TEAD4: variants seen among roughly 807,000 people sequenced by gnomAD.
The protein encoded by TEAD4 is transcriptional enhancer factor TEF-3.
Under a neutral mutation model 52.4 loss-of-function variants are expected in TEAD4, and 36 were observed. That is an observed-to-expected ratio of 0.69 (90% CI 0.53 to 0.91). The LOEUF is 0.91. TEAD4 is among the 40% of genes least tolerant of loss of function. The pLI is 0.00. For missense variants in TEAD4, 508 were observed against 583.9 expected, an observed-to-expected ratio of 0.87 and a Z score of 1.34; for synonymous variants, 220 against 231.0, an observed-to-expected ratio of 0.95 and a Z score of 0.43.
chr12:3,017,511 C>T lies in TEAD4; in HGVS notation c.468C>T (p.Arg156=). Residue 156 remains arginine, a synonymous_variant, in exon 6 of 13, where the codon CGC becomes CGT. Coordinates refer to ENST00000359864, the MANE Select transcript of TEAD4 (RefSeq NM_003213.4). ...TGGCCCTCGCCCGGGGCCCCGGCCG[C>T]CCAGCAGTCTCAGGGGTAAGTGGGC... 1.9e-6 allele frequency: 3 copies of T among 1,613,594 alleles called. No homozygotes were observed. The highest frequency in any genetic ancestry group is 2.5e-6 in the Non-Finnish European group (3 of 1,179,870).
rs61672018 is a variant in TEAD4, at chr12:2,968,385, CTTTT to C, written c.-30+8369_-30+8372del. On this transcript the variant is annotated intron_variant, in intron 2 of 12. Coordinates refer to ENST00000359864, the MANE Select transcript of TEAD4 (RefSeq NM_003213.4). ...ACAGGTGTGAGCCACCGCGCCCGGC[CTTTT>C]TTTTTTTTTTTTTTTTTTTTTTTGT... is the stretch of plus-strand genomic sequence containing the variant. Among the ~76,000 whole-genome samples the C allele has an allele frequency of 4.2e-4, 23 of 55,044 alleles. 2 individuals carry two copies. Among genetic ancestry groups the C allele is most frequent in the African/African-American group, 1.4e-3 (21 of 15,038 alleles). 36.1% of individuals were successfully genotyped at this position (55,044 alleles called of 152,430 possible).
chr12:2,973,618 C>T (rs1222049786), intron 2 of TEAD4, among the ~76,000 whole-genome samples: 3 of 152,150 alleles, frequency 2.0e-5, no homozygotes, highest in Non-Finnish European at 4.4e-5. Context: ...CGGGGCCTTC[C>T]AAGAAGCTCT....
chr12:2,965,407 A>G (rs7964007), intron 2 of TEAD4, among the ~76,000 whole-genome samples: 97,744 of 150,898 alleles, frequency 0.65, 31,932 homozygotes, highest in African/African-American at 0.74. Flanking sequence ...CAATCCTCCT[A>G]CCTTGGCCTC....
intron 2 of TEAD4, among the ~76,000 whole-genome samples, chr12:2,975,301 T>TTGCATTTGTTGCAATTGATG (rs1466470449): frequency 3.9e-5 from 6 of 151,924 alleles, no homozygotes; most frequent in African/African-American, 1.4e-4. Flanking sequence ...TCTTAACATC[T>TTGCATTTGTTGCAATTGATG]TGCATTTGTT....
intron 11 of TEAD4, among the ~76,000 whole-genome samples, chr12:3,039,887 A>G (rs1434595071): frequency 1.3e-5 from 2 of 152,162 alleles, no homozygotes; most frequent in Non-Finnish European, 2.9e-5. Context: ...AGGTTTCACC[A>G]TGTTGGCCAG....
chr12:2,992,669 T>A (rs913595976), intron 2 of TEAD4, among the ~76,000 whole-genome samples: 2 of 151,804 alleles, frequency 1.3e-5, no homozygotes, highest in African/African-American at 2.4e-5. Flanking sequence ...TCCTCAAGGC[T>A]AGTGGGGGAG....
chr12:2,960,874 G>A (rs1030023726), intron 2 of TEAD4, among the ~76,000 whole-genome samples: 2 of 152,160 alleles, frequency 1.3e-5, no homozygotes, highest in African/African-American at 4.8e-5. Flanking sequence ...TGAGTGCAGG[G>A]ATAATTTGAC....
At chr12:3,009,387 G>A (rs541085719) in intron 3 of TEAD4, among the ~76,000 whole-genome samples, 2 of 152,364 alleles carry the variant, frequency 1.3e-5, no homozygotes, top group East Asian at 3.9e-4. Context: ...CCGAGATCGT[G>A]CCATTGCACG....
chr12:2,976,527 A>C (rs11062440), intron 2 of TEAD4, among the ~76,000 whole-genome samples: 127,020 of 152,134 alleles, frequency 0.83, 53,886 homozygotes, highest in Middle Eastern at 0.91. Context: ...TCTGGAACTA[A>C]ACCTGTATCA....
chr12:2,964,412 A>T (rs1394520884), intron 2 of TEAD4, among the ~76,000 whole-genome samples: 1 of 150,526 alleles, frequency 6.6e-6, no homozygotes, highest in Non-Finnish European at 1.5e-5. Context: ...CTGGACAGGG[A>T]GTCCCCAGGC....
At chr12:3,004,487 T>C (rs140593509) in intron 3 of TEAD4, among the ~76,000 whole-genome samples, 1 of 152,232 alleles carries the variant, frequency 6.6e-6, no homozygotes, top group African/African-American at 2.4e-5. Flanking sequence ...CAATTCCCTG[T>C]TCATTCGGAG....
intron 5 of TEAD4, among the ~76,000 whole-genome samples, chr12:3,014,644 G>A (rs2098262925): frequency 6.6e-6 from 1 of 152,190 alleles, no homozygotes; most frequent in African/African-American, 2.4e-5. Flanking sequence ...TGGAGCTCCA[G>A]TTTCCTCATC....
intron 2 of TEAD4, among the ~76,000 whole-genome samples, chr12:2,978,499 GT>G (rs1394949071): frequency 1.3e-5 from 2 of 151,894 alleles, no homozygotes; most frequent in African/African-American, 4.8e-5. Context: ...TGCCTCCGGG[GT>G]TCAAGTGATT....
chr12:2,989,416 G>A (rs924340289), intron 2 of TEAD4, among the ~76,000 whole-genome samples: 1 of 152,090 alleles, frequency 6.6e-6, no homozygotes, highest in Non-Finnish European at 1.5e-5. Context: ...TAGTGTTACT[G>A]TTACGAAGTT....
chr12:2,983,105 G>A (rs967531139), intron 2 of TEAD4, among the ~76,000 whole-genome samples: 1 of 152,204 alleles, frequency 6.6e-6, no homozygotes, highest in African/African-American at 2.4e-5. Flanking sequence ...TGTACTTAGT[G>A]TCAGGTCCAG....
chr12:3,004,510 G>A (rs1035921190), intron 3 of TEAD4, among the ~76,000 whole-genome samples: 2 of 152,164 alleles, frequency 1.3e-5, no homozygotes, highest in African/African-American at 2.4e-5. Context: ...GTACCATGCA[G>A]TAGCCACAGA....
At chr12:3,014,267 C>T (rs374623784) in intron 5 of TEAD4, among the ~76,000 whole-genome samples, 12 of 152,338 alleles carry the variant, frequency 7.9e-5, no homozygotes, top group African/African-American at 2.9e-4. Flanking sequence ...GAACAGACTT[C>T]CCACTACTGG....
rs539500035 is a variant in TEAD4 at position 2,992,004 on chromosome 12, G to T, written c.-29-2734G>T. Among the ~76,000 whole-genome samples the T allele has an allele frequency of 2.0e-5, 3 of 146,688 alleles. No individual in the cohort carries two copies. The South Asian group carries it at 6.4e-4, about 31-fold the overall frequency. On this transcript the variant is annotated intron_variant, in intron 2 of 12. Transcript: ENST00000359864. ...GGTTTCCTGTGGTGGGGGTTGGGGG[G>T]GGCGGTTCCTGCTTTTTTTTTTTTT...
At chr12:3,020,837 G>A (rs909509404) in intron 9 of TEAD4, 64 bp downstream of exon 9, 25 of 1,467,064 alleles carry the variant, frequency 1.7e-5, no homozygotes, top group African/African-American at 7.2e-5. Context: ...TTCTGCTTCC[G>A]GCAGTCTTGC....
Sources: gnomAD v4.1 joint callset for allele counts (sites outside exome capture counted in the v4.1 genomes callset) on GRCh38, gnomAD v4.1.1 for gene constraint, MANE v1.5 for transcripts, NCBI Gene and HGNC (gene_info 2026-07-23, HGNC 2026-07-21) for gene names.